The following EXOC5 variants were observed in gnomAD, a reference collection of about 807,000 sequenced individuals.
The protein encoded by EXOC5 is SEC10-like 1.
In EXOC5, 17 loss-of-function variants were observed where a neutral mutation model predicts 90.8. That is an observed-to-expected ratio of 0.19 (90% confidence interval 0.13 to 0.28). The LOEUF is 0.28. Among genes scored for constraint, EXOC5 ranks in the 10% least tolerant of loss-of-function variants. EXOC5 has a pLI of 1.00. For missense variants in EXOC5, 569 were observed against 830.6 expected (o/e 0.69, Z 3.87); for synonymous variants, 260 against 270.0 (o/e 0.96, Z 0.36).
At chr14:57,257,038 TTAG>T (rs927032379) in intron 1 of EXOC5, among the ~76,000 whole-genome samples, 1 of 152,166 alleles carries the variant, frequency 6.6e-6, no homozygotes, top group African/African-American at 2.4e-5. Context: ...CTGCAACACC[TTAG>T]TAGTCCAGTC....
chr14:57,205,946 A>ATTCTTC lies in EXOC5; in HGVS notation c.*2662_*2663insGAAGAA. On this transcript the variant is annotated 3_prime_UTR_variant, in exon 18 of 18. Coordinates refer to ENST00000621441, the MANE Select transcript of EXOC5 (RefSeq NM_006544.4). ...TAAAGATCCATCCAGCTACTATTTA[A>ATTCTTC]TAATTCTTCATAAGGACACTTCATC... 2.2e-6 allele frequency: 1 copy of ATTCTTC among 456,300 alleles called. No homozygotes were observed. 28.3% of individuals were successfully genotyped at this position (456,300 alleles called of 1,614,324 possible).
At position 57,206,019 on chromosome 14, in the gene EXOC5, G is replaced by T. The variant is rs1192111770; in HGVS notation, c.*2590C>A. ...CAACATCATAATTTACATAAGGTAGGCTTCCTTTATTAAATTCGTATTCTG... is the reference window on the plus strand; with the variant it reads ...CAACATCATAATTTACATAAGGTAGTCTTCCTTTATTAAATTCGTATTCTG... On this transcript the variant is annotated 3_prime_UTR_variant, in exon 18 of 18. Coordinates refer to ENST00000621441, the MANE Select transcript of EXOC5 (RefSeq NM_006544.4). 4.4e-6 allele frequency: 2 copies of T among 453,752 alleles called. No individual in the cohort carries two copies. The highest frequency in any genetic ancestry group is 4.0e-5 in the African/African-American group (2 of 49,788). 28.1% of individuals were successfully genotyped at this position (453,752 alleles called of 1,614,324 possible). A position where few individuals can be genotyped will look rare whatever the true frequency, so the allele number is the denominator to read the frequency against.
At position 57,235,827 on chromosome 14, in the gene EXOC5, A is replaced by G. The variant is rs1883639691; in HGVS notation, c.560-7T>C. On this transcript the variant is annotated splice_region_variant and splice_polypyrimidine_tract_variant and intron_variant, in intron 6 of 17. Coordinates refer to ENST00000621441, the MANE Select transcript of EXOC5 (RefSeq NM_006544.4). ...TCTAAATCATGGTATTTACCTAAAAATAAAGTCATTCAGCTACACTGAGGC... is the reference window on the plus strand; with the variant it reads ...TCTAAATCATGGTATTTACCTAAAAGTAAAGTCATTCAGCTACACTGAGGC... 3 of 1,465,110 alleles carry G rather than the reference A, an allele frequency of 2.0e-6. No individual in the cohort carries two copies. The highest frequency in any genetic ancestry group is 2.8e-5 in the African/African-American group (2 of 71,576). The allele number at this position is 1,465,110 out of a possible 1,614,324, so 90.8% of individuals were successfully genotyped here. A position where few individuals can be genotyped will look rare whatever the true frequency, so the allele number is the denominator to read the frequency against.
Position 57,246,806 on chromosome 14 carries a change from T to C in EXOC5, c.175A>G (p.Arg59Gly). 6.2e-7 allele frequency: 1 copy of C among 1,601,698 alleles called. No individual in the cohort carries two copies. The highest frequency in any genetic ancestry group is 8.5e-7 in the Non-Finnish European group (1 of 1,171,848). The change falls in exon 3 of 18, where the codon AGG (arginine) becomes GGG (glycine). Residue 59 changes from arginine to glycine, a missense_variant. Arg to Gly is a moderately radical substitution (Grantham distance 125). Around this residue, in one of 9 missense-constraint regions of EXOC5, gnomAD observed 45 missense variants for 44.6 expected, o/e 1.01. Coordinates refer to ENST00000621441, the MANE Select transcript of EXOC5 (RefSeq NM_006544.4). The part of the protein sequence containing the change: ...HIQELQIMDE[R>G]IQRKVEKLEQ... ...AGTTTCTCTACTTTCCTCTGAATCC[T>C]TTCATCCATTATCTGGAGTTCCTGA...
At position 57,235,289 on chromosome 14, in the gene EXOC5, T is replaced by G. The variant is rs761193565; in HGVS notation, c.669+422A>C. On this transcript the variant is annotated intron_variant, in intron 7 of 17. Coordinates refer to ENST00000621441, the MANE Select transcript of EXOC5 (RefSeq NM_006544.4). ...TTCCGTAATACAAAATTCTTTTGTA[T>G]TACCTCCTGAGGTCCCCTGGATTTA... 9.2e-5 allele frequency among the ~76,000 whole-genome samples: 14 copies of G among 152,266 alleles called. No individual in the cohort carries two copies. In the South Asian group the frequency reaches 1.2e-3, roughly 14 times the overall value.
chr14:57,261,204 C>T (rs1001234875), intron 1 of EXOC5, among the ~76,000 whole-genome samples: 6 of 152,282 alleles, frequency 3.9e-5, no homozygotes, highest in South Asian at 2.1e-4. Context: ...TTTATTTGCA[C>T]GGTGTTACAT....
chr14:57,257,370 GA>G (rs1462479540), intron 1 of EXOC5, among the ~76,000 whole-genome samples: 1 of 152,156 alleles, frequency 6.6e-6, no homozygotes, highest in Non-Finnish European at 1.5e-5. Context: ...CACATAGATG[GA>G]AAAACAAATT....
chr14:57,238,243 C>T (rs1436493873), intron 5 of EXOC5, among the ~76,000 whole-genome samples: 2 of 149,440 alleles, frequency 1.3e-5, no homozygotes, highest in Non-Finnish European at 3.0e-5. Flanking sequence ...CACACACACA[C>T]ACACACACAC....
rs570757207 is a variant in EXOC5, at chr14:57,203,492, C to T, written c.*5117G>A. 3 of 152,544 alleles carry T rather than the reference C, an allele frequency of 2.0e-5. No individual in the cohort carries two copies. Among genetic ancestry groups the T allele is most frequent in the South Asian group, 2.1e-4 (1 of 4,834 alleles). The allele number at this position is 152,544 out of a possible 1,614,324, so 9.4% of individuals were successfully genotyped here. On this transcript the variant is annotated 3_prime_UTR_variant, in exon 18 of 18. Transcript: ENST00000621441. ...AACATAAAGATAACTGGAAGGGATA[C>T]GACACTTTCTTCATTTAAGATTCCC...
At chr14:57,213,590 TA>T (rs1566724868) in intron 15 of EXOC5, among the ~76,000 whole-genome samples, 2 of 151,844 alleles carry the variant, frequency 1.3e-5, no homozygotes, top group South Asian at 4.2e-4. Context: ...GTATTTTTAG[TA>T]GAGATGGGGT....
intron 9 of EXOC5, among the ~76,000 whole-genome samples, 167 bp downstream of exon 9, chr14:57,233,576 A>C (rs930842967): frequency 6.6e-6 from 1 of 152,184 alleles, no homozygotes; most frequent in African/African-American, 2.4e-5. Context: ...TTCTTGGTGA[A>C]TACAAAACAT....
Position 57,207,365 on chromosome 14 carries a change from C to A in EXOC5, c.*1244G>T, listed in dbSNP as rs1286048482. On this transcript the variant is annotated 3_prime_UTR_variant, in exon 18 of 18. Transcript: ENST00000621441. ...AAGACTATGAACACCACAATGGGAG[C>A]TGAAACACTATATATAATTTAGAAT... The A allele has an allele frequency of 6.6e-6, 1 of 152,410 alleles. No individual in the cohort carries two copies. Among genetic ancestry groups the A allele is most frequent in the Non-Finnish European group, 1.5e-5 (1 of 67,944 alleles). 9.4% of individuals were successfully genotyped at this position (152,410 alleles called of 1,614,324 possible).
Position 57,219,414 on chromosome 14 carries a change from T to A in EXOC5, c.1434A>T (p.Ala478=), listed in dbSNP as rs1883062258. Residue 478 remains alanine (A), a synonymous_variant, in exon 14 of 18, where the codon GCA becomes GCT. Transcript: ENST00000621441. ...AGIPSSDSRN[A]NLYFLDVVQQ... ...GCACAACGTCCAAAAAATAAAGATT[T>A]GCATTCCTAGAATCTGAAGAGGGAA... The A allele has an allele frequency of 6.4e-7, 1 of 1,571,666 alleles. No homozygotes were observed. The highest frequency in any genetic ancestry group is 1.9e-5 in the Admixed American group (1 of 52,726).
chr14:57,229,894 A>G lies in EXOC5; in HGVS notation c.1149-13T>C, dbSNP rs1047276896. ...CAAATCTTGAATACTAGTACATCAT[A>G]AAGACAAATGAAAAAAAGAAAACAT... is the stretch of plus-strand genomic sequence containing the variant. On this transcript the variant is annotated splice_polypyrimidine_tract_variant and intron_variant, in intron 11 of 17. Coordinates refer to ENST00000621441, the MANE Select transcript of EXOC5 (RefSeq NM_006544.4). 3 of 1,357,872 alleles carry G rather than the reference A, an allele frequency of 2.2e-6. No homozygotes were observed. The highest frequency in any genetic ancestry group is 1.4e-5 in the African/African-American group (1 of 69,006). The allele number at this position is 1,357,872 out of a possible 1,614,324, so 84.1% of individuals were successfully genotyped here.
intron 10 of EXOC5, 38 bp from the exon 11 acceptor site, chr14:57,231,753 A>T (rs752314584): frequency 7.5e-7 from 1 of 1,334,316 alleles, no homozygotes; most frequent in Admixed American, 2.0e-5. Context: ...ATTAATATAC[A>T]TTTTAGGTAT....
chr14:57,252,213 A>G (rs1884217061), intron 1 of EXOC5, among the ~76,000 whole-genome samples: 1 of 152,210 alleles, frequency 6.6e-6, no homozygotes, highest in Non-Finnish European at 1.5e-5. Flanking sequence ...GTATGAGGCC[A>G]GCATTACCCT....
chr14:57,244,854 G>C (rs528787833), intron 3 of EXOC5, among the ~76,000 whole-genome samples: 72 of 152,254 alleles, frequency 4.7e-4, no homozygotes, highest in African/African-American at 1.7e-3. Context: ...AATATTAGCT[G>C]GGTTTGGTGG....
intron 1 of EXOC5, among the ~76,000 whole-genome samples, chr14:57,267,885 T>A (rs1884731223): frequency 6.6e-6 from 1 of 152,160 alleles, no homozygotes; most frequent in South Asian, 2.1e-4. Flanking sequence ...ACACTTAAGG[T>A]GCATTATATA....
intron 13 of EXOC5, among the ~76,000 whole-genome samples, chr14:57,220,999 G>C (rs1451945658): frequency 1.3e-5 from 2 of 152,162 alleles, no homozygotes; most frequent in Non-Finnish European, 2.9e-5. Flanking sequence ...ATTCTGATGA[G>C]TGGTGGCAGA....
Sources: allele counts gnomAD v4.1 joint callset (sites outside exome capture counted in the v4.1 genomes callset), GRCh38; gene constraint gnomAD v4.1.1; regional missense constraint gnomAD v4.1.1; transcripts MANE v1.5; gene names NCBI Gene and HGNC (gene_info 2026-07-23, HGNC 2026-07-21).